SLC12A2: variants seen among roughly 807,000 people sequenced by gnomAD.
SLC12A2 encodes Na-K-2Cl cotransporter 1.
Under a neutral mutation model 136.3 loss-of-function variants are expected in SLC12A2, and 67 were observed. The observed-to-expected ratio is 0.49, with a 90% CI of 0.40 to 0.60. The LOEUF is 0.60. Ranked by LOEUF, SLC12A2 falls within the 20% of genes least tolerant of loss-of-function variation. The probability of loss-of-function intolerance (pLI) is 0.00; values close to 1 mark genes in which losing one functional copy is unlikely to be tolerated. For synonymous variants in SLC12A2, 619 were observed against 562.9 expected (o/e 1.10, Z -1.41); for missense variants, 1,322 against 1,534.7 (o/e 0.86, Z 2.32).
chr5:128,172,008 T>C (rs1179921115), intron 19 of SLC12A2: 1 of 266,934 alleles, frequency 3.7e-6, no homozygotes, highest in Non-Finnish European at 6.9e-6. Flanking sequence ...CAGACATTAG[T>C]TATGTCTTTA....
chr5:128,143,033 G>A (rs1481248373), intron 10 of SLC12A2, among the ~76,000 whole-genome samples: 1 of 151,998 alleles, frequency 6.6e-6, no homozygotes, highest in Non-Finnish European at 1.5e-5. Context: ...CGTTAAACTG[G>A]TATATCAGTT....
chr5:128,175,358 G>C (rs1763505150), intron 20 of SLC12A2, among the ~76,000 whole-genome samples: 1 of 151,906 alleles, frequency 6.6e-6, no homozygotes, highest in African/African-American at 2.4e-5. Context: ...TATTAGTAAA[G>C]TTTAGTTCAC....
At chr5:128,182,212 T>A (rs750420718) in intron 23 of SLC12A2, among the ~76,000 whole-genome samples, 1 of 152,152 alleles carries the variant, frequency 6.6e-6, no homozygotes, top group African/African-American at 2.4e-5. Context: ...TAAAAACATT[T>A]TTATTACAAA....
chr5:128,100,606 A>G (rs1022426273), intron 1 of SLC12A2, among the ~76,000 whole-genome samples: 1 of 151,990 alleles, frequency 6.6e-6, no homozygotes, highest in Non-Finnish European at 1.5e-5. Flanking sequence ...TGAAAAATCA[A>G]GTGTATCTTA....
intron 22 of SLC12A2, among the ~76,000 whole-genome samples, chr5:128,180,034 A>G (rs1222158225): frequency 2.4e-5 from 3 of 123,994 alleles, no homozygotes; most frequent in East Asian, 2.4e-4. Flanking sequence ...CAGTGGCGCA[A>G]TCTCGGCCCA....
In SLC12A2 at chr5:128,167,457, T is replaced by C. The variant is rs960865388; in HGVS notation, c.2617-304T>C. Among the ~76,000 whole-genome samples the C allele has an allele frequency of 3.9e-5, 6 of 152,250 alleles. No homozygotes were observed. In the South Asian group the frequency reaches 1.0e-3, roughly 26 times the overall value. The stretch of plus-strand genomic sequence containing the variant: ...CACTGTATTATAATTTTTAAAAAGA[T>C]TATATTCTCTTTCTCTTAGTAAAAA... On this transcript the variant is annotated intron_variant, in intron 17 of 26. Coordinates refer to ENST00000262461, the MANE Select transcript of SLC12A2 (RefSeq NM_001046.3).
chr5:128,161,663 C>A lies in SLC12A2; in HGVS notation c.2479C>A (p.Pro827Thr). The stretch of plus-strand genomic sequence containing the variant: ...TTATTAATATTTTTATTCAAAGGGT[C>A]CTCGAAGACAAGCCATGAAAGAGAT... ...LMICGHVHMGPRRQAMKEMSI... is the reference protein window; with the variant it reads ...LMICGHVHMGTRRQAMKEMSI... The change falls in exon 17 of 27, where the codon CCT (proline) becomes ACT (threonine). Residue 827 changes from proline to threonine, a missense_variant. Physicochemically the swap from Pro to Thr is conservative, Grantham distance 38 (BLOSUM62 -1). Transcript: ENST00000262461. 1.4e-6 allele frequency: 2 copies of A among 1,400,578 alleles called. No homozygotes were observed. The highest frequency in any genetic ancestry group is 1.9e-5 in the South Asian group (1 of 53,348). 86.8% of individuals were successfully genotyped at this position (1,400,578 alleles called of 1,614,324 possible).
At chr5:128,129,759 T>C (rs1334425891) in intron 4 of SLC12A2, among the ~76,000 whole-genome samples, 1 of 152,166 alleles carries the variant, frequency 6.6e-6, no homozygotes, top group Non-Finnish European at 1.5e-5. Context: ...GAAATATGTA[T>C]ATAGCTTTAT....
rs1025241568 is a variant in SLC12A2 at position 128,117,459 on chromosome 5, C to T, written c.1048+2778C>T. Among the ~76,000 whole-genome samples, 9 of 152,082 alleles carry T rather than the reference C, an allele frequency of 5.9e-5. No homozygotes were observed. The East Asian group carries it at 7.7e-4, about 13-fold the overall frequency. ...TAAATAAATAGTGTTGAATCAAACTCCTGAAAGGTTTCTTTCCTCAACTCA... is the reference window on the plus strand; with the variant it reads ...TAAATAAATAGTGTTGAATCAAACTTCTGAAAGGTTTCTTTCCTCAACTCA... On this transcript the variant is annotated intron_variant, in intron 4 of 26. Transcript: ENST00000262461.
At chr5:128,167,908 A>G in intron 18 of SLC12A2, 41 bp downstream of exon 18, 1 of 1,222,424 alleles carries the variant, frequency 8.2e-7, no homozygotes, top group Non-Finnish European at 1.1e-6. Context: ...TCATTTAGAA[A>G]ATGTTAATTT....
At chr5:128,086,673 T>C (rs1170353053) in intron 1 of SLC12A2, among the ~76,000 whole-genome samples, 1 of 152,236 alleles carries the variant, frequency 6.6e-6, no homozygotes, top group Admixed American at 6.5e-5. Flanking sequence ...TGGCCACTGT[T>C]TTATTGGCTT....
At position 128,135,755 on chromosome 5, in the gene SLC12A2, G is replaced by C; in HGVS notation, c.1355G>C (p.Gly452Ala). 1.2e-6 allele frequency: 2 copies of C among 1,612,620 alleles called. No homozygotes were observed. ...CTTGCTATTGGTGATTTCGTCATAG[G>C]AACATTTATCCCACTGGAGAGCAAG... is the stretch of plus-strand genomic sequence containing the variant. ...LLLAIGDFVI[G>A]TFIPLESKKP... The change falls in exon 7 of 27, where the codon GGA (glycine) becomes GCA (alanine). Residue 452 changes from glycine (G) to alanine (A), a missense_variant. Gly to Ala is a moderately conservative substitution (Grantham distance 60). This residue lies in a region of SLC12A2 where 110 missense variants were observed against 114.5 expected (regional missense o/e 0.96). Transcript: ENST00000262461.
intron 1 of SLC12A2, among the ~76,000 whole-genome samples, chr5:128,102,325 A>G (rs1473311476): frequency 6.6e-6 from 1 of 152,126 alleles, no homozygotes; most frequent in Non-Finnish European, 1.5e-5. Context: ...CTGGCACCCT[A>G]GAAATTCTCT....
Position 128,174,088 on chromosome 5 carries a change from C to T in SLC12A2, c.2804-453C>T, listed in dbSNP as rs114325999. 7.7e-3 allele frequency among the ~76,000 whole-genome samples: 1,179 copies of T among 152,172 alleles called. 17 individuals are homozygous for T. The highest frequency in any genetic ancestry group is 0.026 in the African/African-American group (1,100 of 41,546). ...TCACATACTATGTATTACTGTCTAC[C>T]AGATTCTACTGTCCTATGACTTGTA... is the stretch of plus-strand genomic sequence containing the variant. On this transcript the variant is annotated intron_variant, in intron 19 of 26. Transcript: ENST00000262461.
chr5:128,122,565 T>C (rs191882730), intron 4 of SLC12A2, among the ~76,000 whole-genome samples: 193 of 152,312 alleles, frequency 1.3e-3, no homozygotes, highest in African/African-American at 4.5e-3. Flanking sequence ...CAGATTCTGC[T>C]TGTGAATTTT....
At chr5:128,126,198 A>C (rs1266525846) in intron 4 of SLC12A2, among the ~76,000 whole-genome samples, 1 of 152,204 alleles carries the variant, frequency 6.6e-6, no homozygotes, top group African/African-American at 2.4e-5. Flanking sequence ...AACAACCTAA[A>C]TATATAAGGA....
intron 10 of SLC12A2, among the ~76,000 whole-genome samples, chr5:128,145,348 C>T (rs1762501440): frequency 6.6e-6 from 1 of 152,030 alleles, no homozygotes; most frequent in African/African-American, 2.4e-5. Flanking sequence ...ACTTTGAGAT[C>T]ATTAAGACAG....
At chr5:128,135,237 T>A (rs1373566935) in intron 6 of SLC12A2, among the ~76,000 whole-genome samples, 1 of 152,082 alleles carries the variant, frequency 6.6e-6, no homozygotes, top group Admixed American at 6.5e-5. Flanking sequence ...CTTCTTTCTG[T>A]ACTTTTTCTT....
chr5:128,135,763 A>G lies in SLC12A2; in HGVS notation c.1363A>G (p.Ile455Val). The G allele has an allele frequency of 6.2e-7, 1 of 1,612,698 alleles. No homozygotes were observed. Among genetic ancestry groups the G allele is most frequent in the Non-Finnish European group, 8.5e-7 (1 of 1,178,950 alleles). Residue 455 changes from isoleucine (I) to valine (V), a missense_variant, in exon 7 of 27, where the codon ATC (isoleucine) becomes GTC (valine). Physicochemically the swap from Ile to Val is conservative, Grantham distance 29. Around this residue, in one of 8 missense-constraint regions of SLC12A2, gnomAD observed 110 missense variants for 114.5 expected, o/e 0.96. Coordinates refer to ENST00000262461, the MANE Select transcript of SLC12A2 (RefSeq NM_001046.3). ...TGGTGATTTCGTCATAGGAACATTTATCCCACTGGAGAGCAAGAAGCCAAA... is the reference window on the plus strand; with the variant it reads ...TGGTGATTTCGTCATAGGAACATTTGTCCCACTGGAGAGCAAGAAGCCAAA... The part of the protein sequence containing the change: ...AIGDFVIGTF[I>V]PLESKKPKGF...
Sources: gnomAD v4.1 joint callset for allele counts (sites outside exome capture counted in the v4.1 genomes callset) on GRCh38, gnomAD v4.1.1 for gene constraint, gnomAD v4.1.1 regional missense constraint, MANE v1.5 for transcripts, NCBI Gene and HGNC (gene_info 2026-07-23, HGNC 2026-07-21) for gene names.